The following BTBD6 variants were observed in gnomAD, a reference collection of about 807,000 sequenced individuals.
BTBD6 encodes BTB/POZ domain-containing protein 6.
BTBD6 carries 30 observed loss-of-function variants against 40.6 expected under a neutral mutation model. That is an observed-to-expected ratio of 0.74 (90% CI 0.55 to 1.00). BTBD6 has a LOEUF of 1.00. Ranked by LOEUF, BTBD6 falls within the 50% of genes least tolerant of loss-of-function variation. The probability of loss-of-function intolerance (pLI) is 0.00; values close to 1 mark genes in which losing one functional copy is unlikely to be tolerated. For synonymous variants in BTBD6, 378 were observed against 308.7 expected (o/e 1.22, Z -2.35); for missense variants, 698 against 694.6 (o/e 1.00, Z -0.06).
rs1420675833 is a variant in BTBD6, at chr14:105,250,046, C to A, written c.991C>A (p.Arg331=). 1 of 1,612,978 alleles carries A rather than the reference C, an allele frequency of 6.2e-7. No individual in the cohort carries two copies. The highest frequency in any genetic ancestry group is 2.2e-5 in the East Asian group (1 of 44,888). ...ACGAAACAAGAGGCATGTTCTGGGG[C>A]GAGCCCTCTATCTGGTCCGAATTCC... ...TPRNKRHVLG[R]ALYLVRIPTM... The change falls in exon 4 of 4, where the codon CGA becomes AGA. Residue 331 remains arginine (R), a synonymous_variant. Coordinates refer to ENST00000392554, the MANE Select transcript of BTBD6 (RefSeq NM_001387567.1).
At position 105,249,922 on chromosome 14, in the gene BTBD6, C is replaced by T. The variant is rs1566835461; in HGVS notation, c.867C>T (p.Val289=). The T allele has an allele frequency of 6.2e-7, 1 of 1,611,440 alleles. No homozygotes were observed. The highest frequency in any genetic ancestry group is 1.1e-5 in the South Asian group (1 of 91,080). Residue 289 remains valine (V), a synonymous_variant, in exon 4 of 4, where the codon GTC becomes GTT. Coordinates refer to ENST00000392554, the MANE Select transcript of BTBD6 (RefSeq NM_001387567.1). ...EIDRQTLEII[V]TREALNTKEA... is the part of the protein sequence containing the mutation. ...ACCGGCAGACGCTGGAGATCATTGT[C>T]ACTCGGGAGGCCCTCAACACCAAAG... is the stretch of plus-strand genomic sequence containing the variant.
Position 105,250,832 on chromosome 14 carries a change from A to G in BTBD6, c.*160A>G. The G allele has an allele frequency of 1.3e-6, 1 of 774,722 alleles. No individual in the cohort carries two copies. Among genetic ancestry groups the G allele is most frequent in the Non-Finnish European group, 2.1e-6 (1 of 483,780 alleles). The allele number at this position is 774,722 out of a possible 1,614,324, so 48.0% of individuals were successfully genotyped here. On this transcript the variant is annotated 3_prime_UTR_variant, in exon 4 of 4. Coordinates refer to ENST00000392554, the MANE Select transcript of BTBD6 (RefSeq NM_001387567.1). ...GTAGAGACATTTTCCACACAGCCAG[A>G]ACCCAGGGATTGGAGTCTTAGGCAT...
chr14:105,249,212 C>A lies in BTBD6; in HGVS notation c.430C>A (p.Pro144Thr), dbSNP rs746584231. The change falls in exon 2 of 4, where the codon CCC becomes ACC. Residue 144 changes from proline to threonine, a missense_variant. By Grantham distance (38) the Pro-to-Thr change is conservative. Transcript: ENST00000392554. The part of the protein sequence containing the change: ...LMADVHFVVG[P>T]PGATRTVPAH... Reference sequence around the variant, plus strand: ...GGCCGACGTGCACTTCGTCGTGGGGCCCCCGGGGGCGACCAGGACGGTGCC... The same window carrying A: ...GGCCGACGTGCACTTCGTCGTGGGGACCCCGGGGGCGACCAGGACGGTGCC... 7 of 1,587,408 alleles carry A rather than the reference C, an allele frequency of 4.4e-6. No individual in the cohort carries two copies. The African/African-American group carries it at 8.0e-5, about 18-fold the overall frequency.
chr14:105,250,772 T>G lies in BTBD6; in HGVS notation c.*100T>G. ...ATGAAAGGCTGCTCTTAACTTTGTC[T>G]CTCTTTGACATGTAGTCAGCTGAAG... is the stretch of plus-strand genomic sequence containing the variant. On this transcript the variant is annotated 3_prime_UTR_variant, in exon 4 of 4. Coordinates refer to ENST00000392554, the MANE Select transcript of BTBD6 (RefSeq NM_001387567.1). The G allele has an allele frequency of 8.0e-7, 1 of 1,254,172 alleles. No individual in the cohort carries two copies. Among genetic ancestry groups the G allele is most frequent in the Non-Finnish European group, 1.1e-6 (1 of 906,960 alleles). The allele number at this position is 1,254,172 out of a possible 1,614,324, so 77.7% of individuals were successfully genotyped here.
chr14:105,248,768 G>T lies in BTBD6; in HGVS notation c.57G>T (p.Leu19Phe). The T allele has an allele frequency of 1.0e-6, 1 of 981,552 alleles. No homozygotes were observed. The highest frequency in any genetic ancestry group is 1.2e-6 in the Non-Finnish European group (1 of 828,880). The allele number at this position is 981,552 out of a possible 1,614,324, so 60.8% of individuals were successfully genotyped here. A position where few individuals can be genotyped will look rare whatever the true frequency, so the allele number is the denominator to read the frequency against. Residue 19 changes from leucine to phenylalanine, a missense_variant, in exon 1 of 4, where the codon TTG (leucine) becomes TTT (phenylalanine). Transcript: ENST00000392554. ...GCGTCGCTCAGTGCCTGACCTCCTT[G>T]CTTTTGCTTGCAGAGCCGCTCCCGA... Reference protein sequence around the residue: ...HGRVAQCLTSLLLLAEPLPRP... With the variant: ...HGRVAQCLTSFLLLAEPLPRP...
rs1200252808 is a variant in BTBD6, at chr14:105,249,244, C to T, written c.462C>T (p.His154=). Residue 154 remains histidine (H), a synonymous_variant, in exon 2 of 4, where the codon CAC becomes CAT. Coordinates refer to ENST00000392554, the MANE Select transcript of BTBD6 (RefSeq NM_001387567.1). ...PPGATRTVPA[H]KYVLAVGSSV... ...GGGCGACCAGGACGGTGCCCGCCCA[C>T]AAGGTGGGTAGCGGCGGCCCCTCTC... 2 of 1,578,640 alleles carry T rather than the reference C, an allele frequency of 1.3e-6. No individual in the cohort carries two copies. Among genetic ancestry groups the T allele is most frequent in the Non-Finnish European group, 1.7e-6 (2 of 1,167,454 alleles).
At chr14:105,249,307 T>G in intron 2 of BTBD6, 53 bp from the exon 3 acceptor site, 2 of 1,587,484 alleles carry the variant, frequency 1.3e-6, no homozygotes, top group Non-Finnish European at 1.7e-6. Flanking sequence ...GCCGTGTGGC[T>G]GACACGCAGC....
In BTBD6 at chr14:105,248,715, C is replaced by G. The variant is rs2055339393; in HGVS notation, c.4C>G (p.Leu2Val). 3.1e-6 allele frequency: 3 copies of G among 982,496 alleles called. No individual in the cohort carries two copies. Among genetic ancestry groups the G allele is most frequent in the South Asian group, 4.7e-5 (1 of 21,292 alleles). The allele number at this position is 982,496 out of a possible 1,614,324, so 60.9% of individuals were successfully genotyped here. A position where few individuals can be genotyped will look rare whatever the true frequency, so the allele number is the denominator to read the frequency against. The change falls in exon 1 of 4, where the codon CTG becomes GTG. Residue 2 changes from leucine (L) to valine (V), a missense_variant. By Grantham distance (32) the Leu-to-Val change is conservative (BLOSUM62 1). Coordinates refer to ENST00000392554, the MANE Select transcript of BTBD6 (RefSeq NM_001387567.1). ...GGTCACAGCGCCGCCGCCGCCCATG[C>G]TGCTGCCCCTAGCCTGCCTGCACGG... M[L>V]LPLACLHGRV... is the part of the protein sequence containing the mutation.
chr14:105,248,958 G>A lies in BTBD6; in HGVS notation c.247G>A (p.Gly83Arg), dbSNP rs913970642. ...CGGCGCCGCCGTGGGCAGGAAGGCC[G>A]GGCCGCGCAGCCCGCCCAGCGCCCC... ...NAGAAVGRKA[G>R]PRSPPSAPAP... The change falls in exon 1 of 4, where the codon GGG becomes AGG. Residue 83 changes from glycine to arginine, a missense_variant. Physicochemically the swap from Gly to Arg is moderately radical, Grantham distance 125. Transcript: ENST00000392554. The A allele has an allele frequency of 7.1e-6, 7 of 980,530 alleles. No individual in the cohort carries two copies. In the African/African-American group the frequency reaches 1.1e-4, roughly 15 times the overall value. 60.7% of individuals were successfully genotyped at this position (980,530 alleles called of 1,614,324 possible).
In BTBD6 at chr14:105,249,032, C is replaced by G; in HGVS notation, c.321C>G (p.Asn107Lys). The G allele has an allele frequency of 5.0e-6, 6 of 1,200,204 alleles. No individual in the cohort carries two copies. Among genetic ancestry groups the G allele is most frequent in the Non-Finnish European group, 6.2e-6 (6 of 970,738 alleles). 74.3% of individuals were successfully genotyped at this position (1,200,204 alleles called of 1,614,324 possible). ...PPAPAPPTLG[N>K]NHQESPGWRC... ...CGCCCGCGCCGCCCACACTCGGCAA[C>G]AACCACCAGGAGAGCCCCGGCTGGC... is the stretch of plus-strand genomic sequence containing the variant. Residue 107 changes from asparagine (N) to lysine (K), a missense_variant, in exon 1 of 4, where the codon AAC (asparagine) becomes AAG (lysine). Coordinates refer to ENST00000392554, the MANE Select transcript of BTBD6 (RefSeq NM_001387567.1).
In BTBD6 at chr14:105,248,880, G is replaced by T; in HGVS notation, c.169G>T (p.Glu57Ter). The change falls in exon 1 of 4, where the codon GAA (glutamate) becomes TAA (stop). Residue 57 changes from glutamate (E) to a stop codon, truncating the protein, a stop_gained. Coordinates refer to ENST00000392554, the MANE Select transcript of BTBD6 (RefSeq NM_001387567.1). LOFTEE classifies it high-confidence loss of function. ...CGCCCCGCCCGCGAAGATGGCGGCG[G>T]AACTCTACGCTCCCGCCAGCGCCGC... is the stretch of plus-strand genomic sequence containing the variant. The part of the protein sequence containing the change: ...PAAPPAKMAA[E>*]LYAPASAAAA... The T allele has an allele frequency of 1.0e-6, 1 of 988,580 alleles. No individual in the cohort carries two copies. The highest frequency in any genetic ancestry group is 4.5e-5 in the South Asian group (1 of 22,030). 61.2% of individuals were successfully genotyped at this position (988,580 alleles called of 1,614,324 possible). A position where few individuals can be genotyped will look rare whatever the true frequency, so the allele number is the denominator to read the frequency against.
rs1272176776 is a variant in BTBD6, at chr14:105,248,800, G to C, written c.89G>C (p.Arg30Pro). The C allele has an allele frequency of 2.0e-6, 2 of 983,342 alleles. No individual in the cohort carries two copies. The highest frequency in any genetic ancestry group is 2.4e-6 in the Non-Finnish European group (2 of 830,160). The allele number at this position is 983,342 out of a possible 1,614,324, so 60.9% of individuals were successfully genotyped here. Residue 30 changes from arginine (R) to proline (P), a missense_variant, in exon 1 of 4, where the codon CGG becomes CCG. Coordinates refer to ENST00000392554, the MANE Select transcript of BTBD6 (RefSeq NM_001387567.1). ...CTTGCAGAGCCGCTCCCGAGGCCCC[G>C]GCGCGGCGCGAGGGCGCGGGGCGCG... is the stretch of plus-strand genomic sequence containing the variant. Reference protein sequence around the residue: ...LLLAEPLPRPRRGARARGAAS... With the variant: ...LLLAEPLPRPPRGARARGAAS...
rs770736236 is a variant in BTBD6, at chr14:105,250,065, G to A, written c.1010G>A (p.Arg337Gln). The A allele has an allele frequency of 1.2e-6, 2 of 1,612,944 alleles. No homozygotes were observed. The highest frequency in any genetic ancestry group is 1.7e-6 in the Non-Finnish European group (2 of 1,180,032). Residue 337 changes from arginine to glutamine, a missense_variant, in exon 4 of 4, where the codon CGA (arginine) becomes CAA (glutamine). By Grantham distance (43) the Arg-to-Gln change is conservative. Coordinates refer to ENST00000392554, the MANE Select transcript of BTBD6 (RefSeq NM_001387567.1). Reference sequence around the variant, plus strand: ...CTGGGGCGAGCCCTCTATCTGGTCCGAATTCCAACCATGACCCTAGAGGAG... The same window carrying A: ...CTGGGGCGAGCCCTCTATCTGGTCCAAATTCCAACCATGACCCTAGAGGAG... ...HVLGRALYLV[R>Q]IPTMTLEEFA...
rs1233759733 is a variant in BTBD6, at chr14:105,249,825, C to T, written c.770C>T (p.Thr257Met). Reference sequence around the variant, plus strand: ...CGGCTGTTTGAGGAGCCCGAGCTGACGCAGCGCTGCTGGGAGGTCATTGAC... The same window carrying T: ...CGGCTGTTTGAGGAGCCCGAGCTGATGCAGCGCTGCTGGGAGGTCATTGAC... Reference protein sequence around the residue: ...QSRLFEEPELTQRCWEVIDAQ... With the variant: ...QSRLFEEPELMQRCWEVIDAQ... Residue 257 changes from threonine to methionine, a missense_variant, in exon 4 of 4, where the codon ACG becomes ATG. Thr to Met is a moderately conservative substitution (Grantham distance 81, BLOSUM62 -1). Coordinates refer to ENST00000392554, the MANE Select transcript of BTBD6 (RefSeq NM_001387567.1). 2.5e-6 allele frequency: 4 copies of T among 1,613,498 alleles called. No homozygotes were observed. The highest frequency in any genetic ancestry group is 1.1e-5 in the South Asian group (1 of 91,082).
In BTBD6 at chr14:105,248,582, C is replaced by T. The variant is rs1384154005; in HGVS notation, c.-130C>T. ...GCGGGTACGGGCTCGGGCGGGCGGG[C>T]GGGCGGGACGGCGCCCCCCGCGGCC... On this transcript the variant is annotated 5_prime_UTR_variant, in exon 1 of 4. Transcript: ENST00000392554. 6.8e-5 allele frequency: 10 copies of T among 147,658 alleles called. No homozygotes were observed. The highest frequency in any genetic ancestry group is 2.8e-3 in the Middle Eastern group (1 of 356). The allele number at this position is 147,658 out of a possible 1,614,324, so 9.1% of individuals were successfully genotyped here.
Position 105,250,740 on chromosome 14 carries a change from T to C in BTBD6, c.*68T>C. 1 of 1,470,506 alleles carries C rather than the reference T, an allele frequency of 6.8e-7. No homozygotes were observed. Among genetic ancestry groups the C allele is most frequent in the Non-Finnish European group, 9.3e-7 (1 of 1,080,022 alleles). The allele number at this position is 1,470,506 out of a possible 1,614,324, so 91.1% of individuals were successfully genotyped here. On this transcript the variant is annotated 3_prime_UTR_variant, in exon 4 of 4. Coordinates refer to ENST00000392554, the MANE Select transcript of BTBD6 (RefSeq NM_001387567.1). ...GGAAGTCAAGATGCTAACTGCTTCT[T>C]GACACCATGAAAGGCTGCTCTTAAC... is the stretch of plus-strand genomic sequence containing the variant.
chr14:105,249,230 A>G lies in BTBD6; in HGVS notation c.448A>G (p.Thr150Ala). The stretch of plus-strand genomic sequence containing the variant: ...CGTGGGGCCCCCGGGGGCGACCAGG[A>G]CGGTGCCCGCCCACAAGGTGGGTAG... ...FVVGPPGATRTVPAHKYVLAV... is the reference protein window; with the variant it reads ...FVVGPPGATRAVPAHKYVLAV... Residue 150 changes from threonine (T) to alanine (A), a missense_variant, in exon 2 of 4, where the codon ACG becomes GCG. Transcript: ENST00000392554. 6.3e-7 allele frequency: 1 copy of G among 1,584,838 alleles called. No homozygotes were observed. Among genetic ancestry groups the G allele is most frequent in the African/African-American group, 1.3e-5 (1 of 74,806 alleles).
chr14:105,249,047 C>T lies in BTBD6; in HGVS notation c.336C>T (p.Ser112=). ...PPTLGNNHQE[S]PGWRCCRPTL... is the part of the protein sequence containing the mutation. Reference sequence around the variant, plus strand: ...CACTCGGCAACAACCACCAGGAGAGCCCCGGCTGGCGGTGCTGCCGCCCCA... The same window carrying T: ...CACTCGGCAACAACCACCAGGAGAGTCCCGGCTGGCGGTGCTGCCGCCCCA... Residue 112 remains serine (S), a synonymous_variant, in exon 1 of 4, where the codon AGC becomes AGT. Transcript: ENST00000392554. 7.8e-7 allele frequency: 1 copy of T among 1,281,146 alleles called. No individual in the cohort carries two copies. Among genetic ancestry groups the T allele is most frequent in the Non-Finnish European group, 9.8e-7 (1 of 1,022,662 alleles). 79.4% of individuals were successfully genotyped at this position (1,281,146 alleles called of 1,614,324 possible). A position where few individuals can be genotyped will look rare whatever the true frequency, so the allele number is the denominator to read the frequency against.
Position 105,249,155 on chromosome 14 carries a change from AG to A in BTBD6, c.375del. 6.4e-7 allele frequency: 1 copy of A among 1,572,638 alleles called. No homozygotes were observed. The highest frequency in any genetic ancestry group is 8.6e-7 in the Non-Finnish European group (1 of 1,166,720). Reference sequence around the variant, plus strand: ...CCCCAGCCCGTGCCTCTACCTTTGCAGGAACGCGCTCATGTTCAACAACGAG... The same window carrying A: ...CCCCAGCCCGTGCCTCTACCTTTGCAGAACGCGCTCATGTTCAACAACGAG... On this transcript the variant is annotated splice_acceptor_variant, in intron 1 of 3. Coordinates refer to ENST00000392554, the MANE Select transcript of BTBD6 (RefSeq NM_001387567.1). LOFTEE classifies it high-confidence loss of function.
Sources: allele counts gnomAD v4.1 joint callset, GRCh38; gene constraint gnomAD v4.1.1; transcripts MANE v1.5; gene names NCBI Gene and HGNC (gene_info 2026-07-23, HGNC 2026-07-21).